Variants in RNF135 observed in about 807,000 individuals in gnomAD.
The protein encoded by RNF135 is E3 ubiquitin-protein ligase RNF135.
A neutral mutation model predicts 41.9 loss-of-function variants in RNF135; 46 were observed. The ratio of observed to expected loss-of-function variants is 1.10; its 90% CI spans 0.87 to 1.40. The LOEUF is 1.40. Among genes scored for constraint, RNF135 ranks in the 40% most tolerant of loss-of-function variants. RNF135 has a pLI of 0.00. For synonymous variants in RNF135, 238 were observed against 223.8 expected, an observed-to-expected ratio of 1.06 and a Z score of -0.57; for missense variants, 539 against 549.8, an observed-to-expected ratio of 0.98 and a Z score of 0.20.
the RNF135 span, among the ~76,000 whole-genome samples, chr17:30,961,034 A>G: frequency 6.6e-6 from 1 of 151,876 alleles, no homozygotes; most frequent in Admixed American, 6.6e-5. Flanking sequence ...CCACCACGCC[A>G]GGCCTGTAAT....
At chr17:30,986,369 G>A (rs530354602) in intron 2 of RNF135, among the ~76,000 whole-genome samples, 1 of 152,232 alleles carries the variant, frequency 6.6e-6, no homozygotes, top group South Asian at 2.1e-4. Flanking sequence ...GCTAATTTTT[G>A]TATTTTTAGT....
chr17:30,985,339 CTA>C (rs1369873855), intron 2 of RNF135, among the ~76,000 whole-genome samples: 2 of 152,200 alleles, frequency 1.3e-5, no homozygotes, highest in Non-Finnish European at 2.9e-5. Context: ...CACTAGGCTG[CTA>C]TGTCTTCCTT....
chr17:30,997,635 C>CCAA, intron 4 of RNF135: 1 of 464,900 alleles, frequency 2.2e-6, no homozygotes, highest in Non-Finnish European at 4.4e-6. Context: ...CCAACTATAG[C>CCAA]CAACTGCCTC....
intron 1 of RNF135, chr17:30,975,851 C>T (rs551885015): frequency 1.2e-6 from 1 of 868,538 alleles, no homozygotes; most frequent in Non-Finnish European, 1.9e-6. Context: ...TGGCTGCTGC[C>T]AAGCTCCTAA....
intron 1 of RNF135, chr17:30,971,842 C>A: frequency 2.1e-6 from 1 of 471,864 alleles, no homozygotes; most frequent in Non-Finnish European, 2.9e-6. Flanking sequence ...GGATGGAGTG[C>A]AATGGCGTGC....
chr17:30,976,669 T>G (rs1034754496), intron 1 of RNF135, among the ~76,000 whole-genome samples: 1 of 152,260 alleles, frequency 6.6e-6, no homozygotes, highest in African/African-American at 2.4e-5. Context: ...TTGTTATATC[T>G]TCTTACTGAA....
rs1476598687 is a variant in RNF135, at chr17:30,997,295, C to A, written c.733C>A (p.His245Asn). 1.2e-6 allele frequency: 2 copies of A among 1,614,038 alleles called. No individual in the cohort carries two copies. The highest frequency in any genetic ancestry group is 1.7e-6 in the Non-Finnish European group (2 of 1,180,012). Residue 245 changes from histidine (H) to asparagine (N), a missense_variant, in exon 4 of 5, where the codon CAC (histidine) becomes AAC (asparagine). Physicochemically the swap from His to Asn is moderately conservative, Grantham distance 68. Around this residue, in one of 2 missense-constraint regions of RNF135, gnomAD observed 262 missense variants for 336.9 expected, o/e 0.78. Transcript: ENST00000328381. ...CTCATGCCCATTGCCTGACCAGAGC[C>A]ACCCTGCACTCAGGAGAGCTTCTCG... ...SSSCPLPDQSHPALRRASRFA... is the reference protein window; with the variant it reads ...SSSCPLPDQSNPALRRASRFA...
At chr17:30,984,924 T>A (rs1907480331) in intron 2 of RNF135, among the ~76,000 whole-genome samples, 164 bp downstream of exon 2, 1 of 152,184 alleles carries the variant, frequency 6.6e-6, no homozygotes, top group Non-Finnish European at 1.5e-5. Context: ...TTGGAATGCT[T>A]GAGGTAAGGT....
At chr17:30,958,923 T>C in the RNF135 span, 1 of 152,086 alleles carries the variant, frequency 6.6e-6, no homozygotes, top group Admixed American at 6.6e-5. Context: ...TATGGGACTT[T>C]CCTTTGGATC....
At chr17:30,972,415 T>C (rs1282136533) in intron 1 of RNF135, 4 of 152,036 alleles carry the variant, frequency 2.6e-5, no homozygotes, top group East Asian at 1.9e-4. Context: ...GCCCCGCCTA[T>C]TTTAACCATT....
chr17:30,974,905 T>C (rs1161816557), intron 1 of RNF135, among the ~76,000 whole-genome samples: 1 of 152,068 alleles, frequency 6.6e-6, no homozygotes, highest in Non-Finnish European at 1.5e-5. Flanking sequence ...CTCAAACTCT[T>C]GACCTCAGGT....
At chr17:30,962,549 T>C in the RNF135 span, among the ~76,000 whole-genome samples, 1 of 152,130 alleles carries the variant, frequency 6.6e-6, no homozygotes, top group Non-Finnish European at 1.5e-5. Context: ...CACTGCAAGC[T>C]CCGCCTCTTG....
intron 1 of RNF135, 134 bp from the exon 2 acceptor site, chr17:30,984,483 T>C: frequency 1.1e-6 from 1 of 870,008 alleles, no homozygotes; most frequent in Non-Finnish European, 1.9e-6. Flanking sequence ...TATTTCTGGG[T>C]ACTCTATTGT....
chr17:30,977,520 T>A (rs1237875430), intron 1 of RNF135, among the ~76,000 whole-genome samples: 1 of 152,046 alleles, frequency 6.6e-6, no homozygotes, highest in East Asian at 1.9e-4. Context: ...ACTACAGGCA[T>A]GCGCCACCAT....
intron 1 of RNF135, among the ~76,000 whole-genome samples, chr17:30,979,926 G>A (rs1168944903): frequency 8.8e-6 from 1 of 113,020 alleles, no homozygotes; most frequent in Non-Finnish European, 1.9e-5. Flanking sequence ...CTTCCCAGTA[G>A]GGGCGGCCGG....
intron 3 of RNF135, among the ~76,000 whole-genome samples, chr17:30,993,654 G>T (rs1360411929): frequency 6.6e-6 from 1 of 151,664 alleles, no homozygotes; most frequent in Non-Finnish European, 1.5e-5. Flanking sequence ...GTTAAGTGTA[G>T]ATTATTTCTC....
chr17:30,977,891 A>G (rs1906609971), intron 1 of RNF135, among the ~76,000 whole-genome samples: 1 of 152,208 alleles, frequency 6.6e-6, no homozygotes, highest in Non-Finnish European at 1.5e-5. Context: ...TGATTGAAGT[A>G]TTCCCTTTAG....
intron 2 of RNF135, among the ~76,000 whole-genome samples, 198 bp downstream of exon 2, chr17:30,984,958 A>G (rs1907484341): frequency 6.6e-6 from 1 of 152,190 alleles, no homozygotes; most frequent in African/African-American, 2.4e-5. Flanking sequence ...ATGGGCTAGG[A>G]TCACTCCACC....
chr17:30,975,780 T>C (rs1304393516), intron 1 of RNF135: 2 of 1,094,946 alleles, frequency 1.8e-6, no homozygotes, highest in Non-Finnish European at 2.8e-6. Context: ...TTCCAGCTCA[T>C]CCTGTACCCC....
Sources: allele counts gnomAD v4.1 joint callset (sites outside exome capture counted in the v4.1 genomes callset), GRCh38; gene constraint gnomAD v4.1.1; regional missense constraint gnomAD v4.1.1; transcripts MANE v1.5; gene names NCBI Gene and HGNC (gene_info 2026-07-23, HGNC 2026-07-21).